The following TBC1D32 variants were observed in gnomAD, a reference collection of about 807,000 sequenced individuals.
The protein encoded by TBC1D32 is TBC1 domain family member 32.
In TBC1D32, 151 loss-of-function variants were observed where a neutral mutation model predicts 170.3. The ratio of observed to expected loss-of-function variants is 0.89; its 90% CI spans 0.78 to 1.01. The LOEUF (loss-of-function observed/expected upper bound fraction) is 1.01. Ranked by LOEUF, TBC1D32 falls within the 50% of genes least tolerant of loss-of-function variation. The pLI is 0.00. For missense variants in TBC1D32, 1,464 were observed against 1,457.1 expected (o/e 1.00, Z -0.08); for synonymous variants, 498 against 488.0 (o/e 1.02, Z -0.27).
intron 21 of TBC1D32, among the ~76,000 whole-genome samples, chr6:121,212,585 G>A (rs1430767741): frequency 6.6e-6 from 1 of 151,452 alleles, no homozygotes; most frequent in Non-Finnish European, 1.5e-5. Flanking sequence ...ATCCTGGGTA[G>A]CTGGGATTAC....
At chr6:121,241,867 C>T (rs1181059397) in intron 18 of TBC1D32, among the ~76,000 whole-genome samples, 1 of 152,146 alleles carries the variant, frequency 6.6e-6, no homozygotes, top group Non-Finnish European at 1.5e-5. Flanking sequence ...TCTTCACTGA[C>T]ATATACATTT....
intron 24 of TBC1D32, among the ~76,000 whole-genome samples, chr6:121,136,152 T>C (rs1034425021): frequency 6.6e-6 from 1 of 152,130 alleles, no homozygotes; most frequent in Non-Finnish European, 1.5e-5. Context: ...AGAGCAATTA[T>C]TTTTAGGGAT....
intron 21 of TBC1D32, among the ~76,000 whole-genome samples, chr6:121,208,738 A>AAAAAAC (rs2128309084): frequency 6.6e-6 from 1 of 150,958 alleles, no homozygotes; most frequent in South Asian, 2.1e-4. Context: ...GGAAAAAAAA[A>AAAAAAC]AAAAAAAAAC....
chr6:121,090,739 A>T, intron 31 of TBC1D32, 114 bp downstream of exon 31: 1 of 899,116 alleles, frequency 1.1e-6, no homozygotes, highest in Non-Finnish European at 1.7e-6. Context: ...AATAGTATCT[A>T]CCTCTCACCA....
chr6:121,333,547 AGAGT>A (rs1274811455), intron 1 of TBC1D32, among the ~76,000 whole-genome samples: 2 of 152,322 alleles, frequency 1.3e-5, no homozygotes, highest in Admixed American at 6.5e-5. Context: ...TGCAGTGCTC[AGAGT>A]GAGTAATTCG....
At chr6:121,295,517 T>G (rs1000780723) in intron 10 of TBC1D32, among the ~76,000 whole-genome samples, 1 of 152,036 alleles carries the variant, frequency 6.6e-6, no homozygotes, top group Non-Finnish European at 1.5e-5. Context: ...GACCAGCAAC[T>G]GTATCTTAGA....
At chr6:121,229,723 A>G (rs1190232744) in intron 20 of TBC1D32, among the ~76,000 whole-genome samples, 2 of 152,172 alleles carry the variant, frequency 1.3e-5, no homozygotes, top group African/African-American at 4.8e-5. Context: ...CATGAAAAAG[A>G]GGCACTATCT....
At chr6:121,264,348 C>A (rs1408583885) in intron 15 of TBC1D32, among the ~76,000 whole-genome samples, 1 of 151,982 alleles carries the variant, frequency 6.6e-6, no homozygotes, top group Non-Finnish European at 1.5e-5. Context: ...AATTCCTGGA[C>A]ACATAAACCC....
intron 25 of TBC1D32, among the ~76,000 whole-genome samples, chr6:121,127,069 G>A (rs540651114): frequency 6.6e-6 from 1 of 152,252 alleles, no homozygotes; most frequent in African/African-American, 2.4e-5. Context: ...GCAACCCAGA[G>A]TTTGTTGTGG....
chr6:121,231,851 T>G (rs1278603999), intron 20 of TBC1D32, among the ~76,000 whole-genome samples: 1 of 152,190 alleles, frequency 6.6e-6, no homozygotes, highest in Non-Finnish European at 1.5e-5. Context: ...GTGAAGATTT[T>G]CTCCCACTCT....
chr6:121,238,520 G>T (rs964907355), intron 20 of TBC1D32, among the ~76,000 whole-genome samples: 2 of 152,066 alleles, frequency 1.3e-5, no homozygotes, highest in African/African-American at 4.8e-5. Context: ...TCAAAGTTAG[G>T]AATCGTCACT....
intron 21 of TBC1D32, among the ~76,000 whole-genome samples, chr6:121,217,756 C>A (rs910822148): frequency 1.3e-5 from 2 of 151,918 alleles, no homozygotes; most frequent in Admixed American, 6.6e-5. Context: ...ATGAGTTTAC[C>A]TATATAACAA....
At chr6:121,177,966 A>G (rs1416048947) in intron 22 of TBC1D32, among the ~76,000 whole-genome samples, 1 of 152,188 alleles carries the variant, frequency 6.6e-6, no homozygotes, top group African/African-American at 2.4e-5. Context: ...TGGGTAATTT[A>G]TAAAGGAAAG....
chr6:121,270,338 GAAAAGATCAAC>G (rs1335192676), intron 15 of TBC1D32, among the ~76,000 whole-genome samples: 1 of 151,880 alleles, frequency 6.6e-6, no homozygotes, highest in African/African-American at 2.4e-5. Context: ...CTGGTTTTTT[GAAAAGATCAAC>G]AAAATTGATA....
In TBC1D32 at chr6:121,080,568, T is replaced by G. The variant is rs218868; in HGVS notation, c.*203A>C. The G allele has an allele frequency of 3.8e-3, 2,335 of 616,050 alleles. 54 individuals are homozygous for G. In the African/African-American group the frequency reaches 0.041, roughly 11 times the overall value. The allele number at this position is 616,050 out of a possible 1,614,324, so 38.2% of individuals were successfully genotyped here. A position where few individuals can be genotyped will look rare whatever the true frequency, so the allele number is the denominator to read the frequency against. ...TAAAAGTAAGCTAGATCTGATTCTATAATAACCTTACAAAACAACAAATTT... is the reference window on the plus strand; with the variant it reads ...TAAAAGTAAGCTAGATCTGATTCTAGAATAACCTTACAAAACAACAAATTT... On this transcript the variant is annotated 3_prime_UTR_variant, in exon 32 of 32. Transcript: ENST00000398212.
intron 22 of TBC1D32, among the ~76,000 whole-genome samples, chr6:121,181,261 T>C (rs1788470041): frequency 6.6e-6 from 1 of 152,124 alleles, no homozygotes; most frequent in Non-Finnish European, 1.5e-5. Context: ...CATGTCAAAT[T>C]GTAATCCCCA....
At chr6:121,296,346 G>T (rs1204214423) in intron 10 of TBC1D32, among the ~76,000 whole-genome samples, 3 of 152,044 alleles carry the variant, frequency 2.0e-5, no homozygotes, top group African/African-American at 7.2e-5. Flanking sequence ...AACCTGGGGG[G>T]TTGTCTTGGG....
At chr6:121,229,867 T>A (rs1425472639) in intron 20 of TBC1D32, among the ~76,000 whole-genome samples, 2 of 152,008 alleles carry the variant, frequency 1.3e-5, no homozygotes, top group Non-Finnish European at 2.9e-5. Context: ...GGATCATGGG[T>A]GCAGTTCCCC....
chr6:121,187,150 T>C (rs1372409008), intron 22 of TBC1D32, among the ~76,000 whole-genome samples: 4 of 152,162 alleles, frequency 2.6e-5, no homozygotes, highest in African/African-American at 9.6e-5. Context: ...GAATTGGCAG[T>C]GAATAACATT....
Sources: allele counts gnomAD v4.1 joint callset (sites outside exome capture counted in the v4.1 genomes callset), GRCh38; gene constraint gnomAD v4.1.1; transcripts MANE v1.5; gene names NCBI Gene and HGNC (gene_info 2026-07-23, HGNC 2026-07-21).